Variants in PLG observed in about 807,000 individuals in gnomAD.
PLG encodes the protein plasminogen.
PLG carries 41 observed loss-of-function variants against 104.4 expected under a neutral mutation model. The observed-to-expected ratio is 0.39, with a 90% CI of 0.31 to 0.51. The LOEUF is 0.51. Among genes scored for constraint, PLG ranks in the 20% least tolerant of loss-of-function variants. The pLI, the probability that PLG is intolerant of heterozygous loss-of-function variation, is 0.76. For synonymous variants in PLG, 337 were observed against 357.1 expected, an observed-to-expected ratio of 0.94 and a Z score of 0.63; for missense variants, 891 against 1,003.6, an observed-to-expected ratio of 0.89 and a Z score of 1.52.
At chr6:160,730,350 A>T (rs1777980790) in intron 10 of PLG, among the ~76,000 whole-genome samples, 1 of 152,212 alleles carries the variant, frequency 6.6e-6, no homozygotes, top group Non-Finnish European at 1.5e-5. Flanking sequence ...GCAGGAGAGG[A>T]TGTCCTGCCC....
chr6:160,711,660 T>C (rs1459926323), intron 4 of PLG: 32 of 1,610,826 alleles, frequency 2.0e-5, no homozygotes, highest in Non-Finnish European at 2.5e-5. Flanking sequence ...CTATTTTTTC[T>C]TGGATATGGA....
chr6:160,711,842 A>G (rs1777649426), intron 4 of PLG: 2 of 1,420,206 alleles, frequency 1.4e-6, no homozygotes, highest in South Asian at 1.6e-5. Context: ...GTGGAGCAAA[A>G]GAGTAAATAA....
rs1777772560 is a variant in PLG at position 160,718,148 on chromosome 6, A to G, written c.788-146A>G. On this transcript the variant is annotated intron_variant, in intron 7 of 18. Coordinates refer to ENST00000308192, the MANE Select transcript of PLG (RefSeq NM_000301.5). The stretch of plus-strand genomic sequence containing the variant: ...GCACCTGTAGTCTGAGCTACTCGGG[A>G]GGCTGAGGCAGGAGAATGACTTGAA... 1.3e-5 allele frequency: 9 copies of G among 703,940 alleles called. No homozygotes were observed. The South Asian group carries it at 1.3e-4, about 11-fold the overall frequency. The allele number at this position is 703,940 out of a possible 1,614,324, so 43.6% of individuals were successfully genotyped here. A position where few individuals can be genotyped will look rare whatever the true frequency, so the allele number is the denominator to read the frequency against.
At chr6:160,702,237 C>T, upstream of PLG, 1 of 1,587,362 alleles carries the variant, frequency 6.3e-7, no homozygotes, top group East Asian at 2.2e-5. Flanking sequence ...GATGCGTTTA[C>T]TCTCATGTAA....
At chr6:160,722,109 C>T (rs1777840300) in intron 9 of PLG, among the ~76,000 whole-genome samples, 1 of 152,210 alleles carries the variant, frequency 6.6e-6, no homozygotes, top group African/African-American at 2.4e-5. Context: ...CTCATCTGCC[C>T]TCGTGTTCTC....
chr6:160,708,990 T>C (rs1777585422), intron 3 of PLG, among the ~76,000 whole-genome samples: 2 of 152,032 alleles, frequency 1.3e-5, no homozygotes, highest in South Asian at 4.2e-4. Flanking sequence ...AAACCCTGAT[T>C]CTCCTGATTC....
chr6:160,737,970 A>AC lies in PLG; in HGVS notation c.1803-568_1803-567insC, dbSNP rs377175450. Among the ~76,000 whole-genome samples, 18,026 of 152,026 alleles carry AC rather than the reference A, an allele frequency of 0.12. 2,920 individuals are homozygous for AC. The highest frequency in any genetic ancestry group is 0.37 in the African/African-American group (15,236 of 41,406). ...CTTCCTATCTCTATTCCTCTTCTTT[A>AC]AATTTGGTTCCAAATGGCTCACACC... On this transcript the variant is annotated intron_variant, in intron 14 of 18. Coordinates refer to ENST00000308192, the MANE Select transcript of PLG (RefSeq NM_000301.5). The surrounding 1 kb of genome is among the most constrained non-coding windows in gnomAD (Gnocchi z 4.7).
chr6:160,724,367 G>A lies in PLG; in HGVS notation c.1256+1800G>A, dbSNP rs548150964. On this transcript the variant is annotated intron_variant, in intron 10 of 18. Transcript: ENST00000308192. This position sits in a 1 kb window ranked among gnomAD's most constrained non-coding sequence, Gnocchi z 5.0. ...CCTTACCATCAGGTTAGACATTACAGAAGAAAAAGTTAACTAGAAAATAAT... is the reference window on the plus strand; with the variant it reads ...CCTTACCATCAGGTTAGACATTACAAAAGAAAAAGTTAACTAGAAAATAAT... 6.6e-6 allele frequency among the ~76,000 whole-genome samples: 1 copy of A among 152,098 alleles called. No individual in the cohort carries two copies. The highest frequency in any genetic ancestry group is 6.5e-5 in the Admixed American group (1 of 15,282).
rs1428323780 is a variant in PLG, at chr6:160,726,006, T to A, written c.1256+3439T>A. 2.0e-5 allele frequency among the ~76,000 whole-genome samples: 3 copies of A among 152,184 alleles called. No individual in the cohort carries two copies. The highest frequency in any genetic ancestry group is 3.9e-4 in the East Asian group (2 of 5,184). ...AAGCCCACAATTAGAGTGGGAGATA[T>A]CCTAATGTCTCTCTCCGTATGGTTA... is the stretch of plus-strand genomic sequence containing the variant. On this transcript the variant is annotated intron_variant, in intron 10 of 18. Coordinates refer to ENST00000308192, the MANE Select transcript of PLG (RefSeq NM_000301.5). This position sits in a 1 kb window ranked among gnomAD's most constrained non-coding sequence, Gnocchi z 4.4.
chr6:160,727,580 C>CCAAA (rs993797233), intron 10 of PLG, among the ~76,000 whole-genome samples: 2 of 151,658 alleles, frequency 1.3e-5, no homozygotes, highest in African/African-American at 4.8e-5. Context: ...GATGAATATC[C>CCAAA]CAAACAAGTG....
Position 160,741,541 on chromosome 6 carries a change from A to C in PLG, c.2125+124A>C. 2.7e-6 allele frequency: 2 copies of C among 739,418 alleles called. No individual in the cohort carries two copies. Among genetic ancestry groups the C allele is most frequent in the East Asian group, 5.5e-5 (2 of 36,598 alleles). 45.8% of individuals were successfully genotyped at this position (739,418 alleles called of 1,614,324 possible). A position where few individuals can be genotyped will look rare whatever the true frequency, so the allele number is the denominator to read the frequency against. ...ATGAATGTGGTCCACCCCACTCCTG[A>C]TTTTGCCTGGGCACCTGTCTATGTC... On this transcript the variant is annotated intron_variant, in intron 17 of 18. Transcript: ENST00000308192. The surrounding 1 kb of genome is among the most constrained non-coding windows in gnomAD (Gnocchi z 4.7).
rs1778182582 is a variant in PLG at position 160,740,948 on chromosome 6, CATGCACTGATCA to C, written c.2019-358_2019-347del. On this transcript the variant is annotated intron_variant, in intron 16 of 18. Coordinates refer to ENST00000308192, the MANE Select transcript of PLG (RefSeq NM_000301.5). The surrounding 1 kb of genome is among the most constrained non-coding windows in gnomAD (Gnocchi z 5.2). The stretch of plus-strand genomic sequence containing the variant: ...TTGGTGGCATCTCAGTCAGACATTC[CATGCACTGATCA>C]ATGCCCTATTCGATTAATGTAAAAG... Among the ~76,000 whole-genome samples the C allele has an allele frequency of 6.8e-6, 1 of 147,032 alleles. No homozygotes were observed. Among genetic ancestry groups the C allele is most frequent in the African/African-American group, 2.7e-5 (1 of 36,516 alleles).
rs1777561830 is a variant in PLG, at chr6:160,707,914, C to CA, written c.292+108_292+109insA. On this transcript the variant is annotated intron_variant, in intron 3 of 18. Coordinates refer to ENST00000308192, the MANE Select transcript of PLG (RefSeq NM_000301.5). ...TAAGACCAGAGGAGGAAGGCACTAT[C>CA]GTGTTATAAAACTGAATTCTGAGTT... is the stretch of plus-strand genomic sequence containing the variant. 2.1e-5 allele frequency: 21 copies of CA among 998,192 alleles called. No homozygotes were observed. In the South Asian group the frequency reaches 2.3e-4, roughly 11 times the overall value. 61.8% of individuals were successfully genotyped at this position (998,192 alleles called of 1,614,324 possible). A position where few individuals can be genotyped will look rare whatever the true frequency, so the allele number is the denominator to read the frequency against.
chr6:160,734,198 C>G lies in PLG; in HGVS notation c.1681+110C>G, dbSNP rs1445004078. 3 of 668,794 alleles carry G rather than the reference C, an allele frequency of 4.5e-6. No individual in the cohort carries two copies. The Admixed American group carries it at 6.2e-5, about 14-fold the overall frequency. The allele number at this position is 668,794 out of a possible 1,614,324, so 41.4% of individuals were successfully genotyped here. Reference sequence around the variant, plus strand: ...CTTCTGGGGAGGAGATAGCTGCCCTCTCCATCAGACCCCACTCTTCATCAT... The same window carrying G: ...CTTCTGGGGAGGAGATAGCTGCCCTGTCCATCAGACCCCACTCTTCATCAT... On this transcript the variant is annotated intron_variant, in intron 13 of 18. Coordinates refer to ENST00000308192, the MANE Select transcript of PLG (RefSeq NM_000301.5). The surrounding 1 kb of genome is among the most constrained non-coding windows in gnomAD (Gnocchi z 4.4).
rs1777907862 is a variant in PLG at position 160,725,481 on chromosome 6, GATAATA to G, written c.1256+2919_1256+2924del. On this transcript the variant is annotated intron_variant, in intron 10 of 18. Transcript: ENST00000308192. This position sits in a 1 kb window ranked among gnomAD's most constrained non-coding sequence, Gnocchi z 6.3. ...GAAAAAATTTAAACTTAGAGGAATA[GATAATA>G]ATAAGAATGTTCCATTTATCCAAAA... Among the ~76,000 whole-genome samples the G allele has an allele frequency of 1.3e-5, 2 of 151,516 alleles. No homozygotes were observed. The highest frequency in any genetic ancestry group is 2.1e-4 in the South Asian group (1 of 4,816).
rs1562383488 is a variant in PLG, at chr6:160,748,403, AG to A, written c.2126-3711del. ...AAGAAAGAAAGAAAGAAAGAAAGGA[AG>A]AAAGAAAGAAAGGGAAAGAAAGAGA... is the stretch of plus-strand genomic sequence containing the variant. On this transcript the variant is annotated intron_variant, in intron 17 of 18. Coordinates refer to ENST00000308192, the MANE Select transcript of PLG (RefSeq NM_000301.5). 8.1e-3 allele frequency among the ~76,000 whole-genome samples: 603 copies of A among 73,992 alleles called. 72 individuals carry two copies. Among genetic ancestry groups the A allele is most frequent in the African/African-American group, 0.026 (540 of 20,812 alleles). The allele number at this position is 73,992 out of a possible 152,430, so 48.5% of individuals were successfully genotyped here.
rs1777915021 is a variant in PLG at position 160,726,047 on chromosome 6, A to C, written c.1256+3480A>C. Reference sequence around the variant, plus strand: ...CGTATGGTTATACATCTTCCCAAACAAAATATAATAGAAAAAATACACAAA... The same window carrying C: ...CGTATGGTTATACATCTTCCCAAACCAAATATAATAGAAAAAATACACAAA... On this transcript the variant is annotated intron_variant, in intron 10 of 18. Coordinates refer to ENST00000308192, the MANE Select transcript of PLG (RefSeq NM_000301.5). The surrounding 1 kb of genome is among the most constrained non-coding windows in gnomAD (Gnocchi z 4.4). Among the ~76,000 whole-genome samples, 1 of 152,120 alleles carries C rather than the reference A, an allele frequency of 6.6e-6. No individual in the cohort carries two copies. The highest frequency in any genetic ancestry group is 1.5e-5 in the Non-Finnish European group (1 of 67,978).
chr6:160,730,920 A>C, intron 10 of PLG, 131 bp from the exon 11 acceptor site: 1 of 852,360 alleles, frequency 1.2e-6, no homozygotes, highest in Non-Finnish European at 1.9e-6. Flanking sequence ...TTGTTACAAC[A>C]TTATTGTACC....
At chr6:160,705,794 A>T (rs1214082004) in intron 1 of PLG, 1 of 152,766 alleles carries the variant, frequency 6.5e-6, no homozygotes, top group African/African-American at 2.4e-5. Context: ...GGGATGAACA[A>T]ATCAACATCA....
Sources: gnomAD v4.1 joint callset for allele counts (sites outside exome capture counted in the v4.1 genomes callset) on GRCh38, gnomAD v4.1.1 for gene constraint, Gnocchi (gnomAD v3.1) non-coding constraint, MANE v1.5 for transcripts, NCBI Gene and HGNC (gene_info 2026-07-23, HGNC 2026-07-21) for gene names.